The following ASIC2 variants were observed in gnomAD, a reference collection of about 807,000 sequenced individuals.
ASIC2 encodes the protein acid-sensing ion channel 2.
In ASIC2, 25 loss-of-function variants were observed where a neutral mutation model predicts 57.3. The ratio of observed to expected loss-of-function variants is 0.44; its 90% CI spans 0.32 to 0.61. The LOEUF (loss-of-function observed/expected upper bound fraction) is 0.61. ASIC2 is among the 20% of genes least tolerant of loss of function. The pLI is 0.06. For missense variants in ASIC2, 641 were observed against 738.1 expected, an observed-to-expected ratio of 0.87 and a Z score of 1.52; for synonymous variants, 319 against 307.5, an observed-to-expected ratio of 1.04 and a Z score of -0.39.
At chr17:34,146,054 G>C (rs1004283574) in intron 1 of ASIC2, among the ~76,000 whole-genome samples, 9 of 152,298 alleles carry the variant, frequency 5.9e-5, no homozygotes, top group African/African-American at 2.2e-4. Context: ...CGTAACAGCT[G>C]GGAGAATGGG....
chr17:33,934,849 C>G (rs574775395), intron 1 of ASIC2, among the ~76,000 whole-genome samples: 5 of 152,342 alleles, frequency 3.3e-5, no homozygotes, highest in Non-Finnish European at 7.3e-5. Flanking sequence ...TGTCCCTCCC[C>G]CTCAAGCTTT....
chr17:33,605,391 C>T (rs915065944), intron 1 of ASIC2, among the ~76,000 whole-genome samples: 2 of 152,172 alleles, frequency 1.3e-5, no homozygotes, highest in Non-Finnish European at 2.9e-5. Flanking sequence ...GAGAAGTTGC[C>T]TGATCTAAAT....
chr17:33,699,001 G>A (rs924200120), intron 1 of ASIC2, among the ~76,000 whole-genome samples: 1 of 152,108 alleles, frequency 6.6e-6, no homozygotes, highest in Non-Finnish European at 1.5e-5. Context: ...AGACTTCACC[G>A]GCTCCCTGTG....
intron 3 of ASIC2, among the ~76,000 whole-genome samples, chr17:33,063,225 G>C (rs113157052): frequency 0.2 from 31,159 of 152,068 alleles, 3,470 homozygotes; most frequent in Middle Eastern, 0.31. Context: ...TGCTTATTTT[G>C]CTCATTAGTT....
chr17:33,527,773 G>A (rs1201398305), intron 1 of ASIC2, among the ~76,000 whole-genome samples: 2 of 151,998 alleles, frequency 1.3e-5, no homozygotes, highest in African/African-American at 4.8e-5. Context: ...GAGGCTGTGT[G>A]GTGAGGGGGA....
At chr17:33,112,353 C>T (rs1422463783) in intron 1 of ASIC2, among the ~76,000 whole-genome samples, 2 of 152,166 alleles carry the variant, frequency 1.3e-5, no homozygotes, top group African/African-American at 4.8e-5. Flanking sequence ...CTGTTCACTT[C>T]CAGGCATTAA....
chr17:33,103,005 G>A (rs758402486), intron 2 of ASIC2, among the ~76,000 whole-genome samples: 7 of 152,252 alleles, frequency 4.6e-5, no homozygotes, highest in Non-Finnish European at 7.4e-5. Flanking sequence ...GGATGGTCTT[G>A]ATCTCCTGAC....
chr17:33,501,817 GAAGT>G (rs1914108505), intron 1 of ASIC2, among the ~76,000 whole-genome samples: 1 of 152,174 alleles, frequency 6.6e-6, no homozygotes, highest in Non-Finnish European at 1.5e-5. Flanking sequence ...ACCTAAACTT[GAAGT>G]AAGAGCCAGC....
intron 1 of ASIC2, among the ~76,000 whole-genome samples, chr17:33,210,276 C>A (rs1007652636): frequency 7.2e-5 from 11 of 152,220 alleles, no homozygotes; most frequent in Non-Finnish European, 1.5e-4. Context: ...TGCTCAAGTT[C>A]ACTCAGCTTC....
At chr17:33,308,872 G>C (rs187714737) in intron 1 of ASIC2, among the ~76,000 whole-genome samples, 1 of 152,110 alleles carries the variant, frequency 6.6e-6, no homozygotes, top group Admixed American at 6.5e-5. Context: ...TTGTCAATCC[G>C]TTCAATGATA....
chr17:33,741,630 C>T (rs1442479641), intron 1 of ASIC2, among the ~76,000 whole-genome samples: 2 of 152,310 alleles, frequency 1.3e-5, no homozygotes, highest in Middle Eastern at 3.4e-3. Context: ...TCCAGGCATG[C>T]TGGTAGTCAG....
chr17:33,989,487 G>A (rs1905935554), intron 1 of ASIC2, among the ~76,000 whole-genome samples: 1 of 150,854 alleles, frequency 6.6e-6, no homozygotes, highest in Admixed American at 6.6e-5. Flanking sequence ...GGTTTCTTTG[G>A]TATCAGGCTA....
In ASIC2 at chr17:33,193,580, C is replaced by T. The variant is rs540579635; in HGVS notation, c.709-81513G>A. Among the ~76,000 whole-genome samples the T allele has an allele frequency of 3.9e-5, 6 of 152,294 alleles. No individual in the cohort carries two copies. In the South Asian group the frequency reaches 8.3e-4, roughly 21 times the overall value. ...TGGAAGTACCTGGGAATTTACATCC[C>T]CCTGGGGAGCAGTCCTGAACCCATG... On this transcript the variant is annotated intron_variant, in intron 1 of 9. Coordinates refer to ENST00000225823, the MANE Select transcript of ASIC2 (RefSeq NM_183377.2).
chr17:33,808,039 A>G (rs1014909253), intron 1 of ASIC2, among the ~76,000 whole-genome samples: 1 of 152,190 alleles, frequency 6.6e-6, no homozygotes, highest in Non-Finnish European at 1.5e-5. Flanking sequence ...TTTAATTCAA[A>G]TGAAGTTCAG....
chr17:33,026,096 C>A, intron 4 of ASIC2, 114 bp from the exon 5 acceptor site: 1 of 1,153,028 alleles, frequency 8.7e-7, no homozygotes, highest in South Asian at 1.5e-5. Flanking sequence ...GAAGGGGCAG[C>A]GGCCTGCCAG....
At chr17:33,272,756 T>C (rs1046795821) in intron 1 of ASIC2, among the ~76,000 whole-genome samples, 7 of 152,220 alleles carry the variant, frequency 4.6e-5, no homozygotes, top group Non-Finnish European at 8.8e-5. Flanking sequence ...CTTATGATGC[T>C]TTACATTGAA....
intron 1 of ASIC2, among the ~76,000 whole-genome samples, chr17:33,372,137 T>G (rs769847513): frequency 6.6e-6 from 1 of 152,044 alleles, no homozygotes; most frequent in Non-Finnish European, 1.5e-5. Context: ...CTGAGCCAGC[T>G]CAAATACTTC....
chr17:34,057,108 T>C (rs1414410535), intron 1 of ASIC2, among the ~76,000 whole-genome samples: 2 of 152,186 alleles, frequency 1.3e-5, no homozygotes, highest in South Asian at 2.1e-4. Context: ...ATCAACCTTT[T>C]GTTGGGCACT....
At chr17:33,286,837 C>A (rs935846091) in intron 1 of ASIC2, among the ~76,000 whole-genome samples, 3 of 152,102 alleles carry the variant, frequency 2.0e-5, no homozygotes, top group Non-Finnish European at 4.4e-5. Flanking sequence ...ATGTACCAAG[C>A]CTTATTTAAT....
Sources: gnomAD v4.1 joint callset for allele counts (sites outside exome capture counted in the v4.1 genomes callset) on GRCh38, gnomAD v4.1.1 for gene constraint, MANE v1.5 for transcripts, NCBI Gene and HGNC (gene_info 2026-07-23, HGNC 2026-07-21) for gene names.